TENM3: variants seen among roughly 807,000 people sequenced by gnomAD.
TENM3 encodes the protein teneurin transmembrane protein 3, also known as teneurin-3.
A neutral mutation model predicts 255.1 loss-of-function variants in TENM3; 63 were observed. The observed-to-expected ratio is 0.25, with a 90% confidence interval of 0.20 to 0.30. The LOEUF (loss-of-function observed/expected upper bound fraction) is 0.30. TENM3 is among the 10% of genes least tolerant of loss of function. TENM3 has a pLI of 1.00. For missense variants in TENM3, 2,929 were observed against 3,461.1 expected (o/e 0.85, Z 3.86); for synonymous variants, 1,306 against 1,322.3 (o/e 0.99, Z 0.27).
intron 1 of TENM3, among the ~76,000 whole-genome samples, chr4:182,148,754 T>C (rs914557070): frequency 5.3e-5 from 8 of 152,034 alleles, no homozygotes; most frequent in South Asian, 2.1e-4. Context: ...GTGAACGTTA[T>C]CATCCCCACT....
Position 182,332,592 on chromosome 4 carries a change from G to A in TENM3, c.232+8340G>A, listed in dbSNP as rs534337758. Reference sequence around the variant, plus strand: ...GCCTGTAATCCCAGCTACTTGGGAGGCTGGGGCAGGAGAATGGCGTGAACC... The same window carrying A: ...GCCTGTAATCCCAGCTACTTGGGAGACTGGGGCAGGAGAATGGCGTGAACC... On this transcript the variant is annotated intron_variant, in intron 2 of 27. Coordinates refer to ENST00000511685, the MANE Select transcript of TENM3 (RefSeq NM_001080477.4). Among the ~76,000 whole-genome samples the A allele has an allele frequency of 7.1e-4, 108 of 152,104 alleles. 1 individual carries two copies. The highest frequency in any genetic ancestry group is 2.6e-3 in the African/African-American group (106 of 41,484).
At chr4:182,725,281 C>T (rs1380074995) in intron 13 of TENM3, among the ~76,000 whole-genome samples, 1 of 152,094 alleles carries the variant, frequency 6.6e-6, no homozygotes, top group Non-Finnish European at 1.5e-5. Context: ...TTAAGTGATC[C>T]TCCCAAAGTT....
the TENM3 span, among the ~76,000 whole-genome samples, chr4:181,802,482 A>T: frequency 1.2e-3 from 177 of 152,346 alleles, no homozygotes; most frequent in African/African-American, 4.0e-3. Flanking sequence ...AGAGAAAAAA[A>T]TAGGTCTTTT....
intron 2 of TENM3, among the ~76,000 whole-genome samples, chr4:182,337,240 C>A (rs75139288): frequency 0.029 from 4,365 of 152,192 alleles, 213 homozygotes; most frequent in African/African-American, 0.1. Flanking sequence ...GCTTATCAGA[C>A]ATTACCTTTA....
rs139671081 is a variant in TENM3 at position 182,222,486 on chromosome 4, CT to C, written c.-76+77737del. ...CCTTTAGCTTCTTGGTTTGTTCTTCCTTTTTCCAGGCTTATCTGTTTGAAAA... is the reference window on the plus strand; with the variant it reads ...CCTTTAGCTTCTTGGTTTGTTCTTCCTTTTCCAGGCTTATCTGTTTGAAAA... On this transcript the variant is annotated intron_variant, in intron 1 of 2. Coordinates refer to the TENM3 transcript ENST00000512480. 4.8e-3 allele frequency among the ~76,000 whole-genome samples: 729 copies of C among 152,266 alleles called. 4 individuals are homozygous for C. The highest frequency in any genetic ancestry group is 0.017 in the African/African-American group (696 of 41,548).
At chr4:182,519,557 G>C (rs189860686) in intron 3 of TENM3, among the ~76,000 whole-genome samples, 25 of 152,332 alleles carry the variant, frequency 1.6e-4, no homozygotes, top group African/African-American at 5.8e-4. Flanking sequence ...TAAAATGCTT[G>C]CCTGAGACGT....
chr4:182,064,615 C>G, the TENM3 span, among the ~76,000 whole-genome samples: 1 of 152,014 alleles, frequency 6.6e-6, no homozygotes, highest in Non-Finnish European at 1.5e-5. Context: ...ATTGAGTAAC[C>G]AATGGGGACC....
the TENM3 span, among the ~76,000 whole-genome samples, chr4:181,992,198 G>A: frequency 6.6e-6 from 1 of 151,980 alleles, no homozygotes; most frequent in Non-Finnish European, 1.5e-5. Flanking sequence ...CAAAAGTCTC[G>A]GTACCTGAGA....
the TENM3 span, among the ~76,000 whole-genome samples, chr4:182,106,333 C>A: frequency 1.8e-4 from 28 of 152,156 alleles, no homozygotes; most frequent in East Asian, 4.6e-3. Flanking sequence ...TGGTAGCGCA[C>A]GCCTGTAGTC....
the TENM3 span, among the ~76,000 whole-genome samples, chr4:182,120,330 T>C: frequency 6.6e-6 from 1 of 152,268 alleles, no homozygotes; most frequent in East Asian, 1.9e-4. Context: ...GGCTGTACTA[T>C]CTAGGTTTGT....
chr4:181,992,577 A>G, the TENM3 span, among the ~76,000 whole-genome samples: 1 of 152,238 alleles, frequency 6.6e-6, no homozygotes, highest in East Asian at 1.9e-4. Flanking sequence ...ATCTCTTTAC[A>G]TTTTACATGT....
intron 3 of TENM3, among the ~76,000 whole-genome samples, chr4:182,472,104 C>G (rs1733183231): frequency 6.6e-6 from 1 of 152,104 alleles, no homozygotes; most frequent in African/African-American, 2.4e-5. Context: ...AATTAGTTCT[C>G]CATTCTTTTT....
At chr4:182,775,426 A>T (rs1764611900) in intron 24 of TENM3, among the ~76,000 whole-genome samples, 1 of 152,170 alleles carries the variant, frequency 6.6e-6, no homozygotes, top group Non-Finnish European at 1.5e-5. Flanking sequence ...ATGACCATGA[A>T]AACCAGCTCC....
At chr4:182,373,799 G>C (rs1487169256) in intron 3 of TENM3, among the ~76,000 whole-genome samples, 1 of 152,182 alleles carries the variant, frequency 6.6e-6, no homozygotes, top group Non-Finnish European at 1.5e-5. Flanking sequence ...CTACTAAGGG[G>C]AATTGTGACT....
At chr4:181,665,215 A>G in the TENM3 span, among the ~76,000 whole-genome samples, 1 of 152,176 alleles carries the variant, frequency 6.6e-6, no homozygotes, top group African/African-American at 2.4e-5. Context: ...ACTTTTTAAC[A>G]GATACCTGGG....
At chr4:181,640,990 T>C in the TENM3 span, among the ~76,000 whole-genome samples, 1 of 152,204 alleles carries the variant, frequency 6.6e-6, no homozygotes, top group Non-Finnish European at 1.5e-5. Context: ...AAAAGACTAG[T>C]GCATGACAAC....
At chr4:181,487,551 G>T in the TENM3 span, among the ~76,000 whole-genome samples, 1 of 152,184 alleles carries the variant, frequency 6.6e-6, no homozygotes, top group South Asian at 2.1e-4. Context: ...TTTTTTACGA[G>T]GGTAATAATC....
At chr4:181,740,992 AT>A in the TENM3 span, among the ~76,000 whole-genome samples, 2 of 152,210 alleles carry the variant, frequency 1.3e-5, no homozygotes, top group African/African-American at 4.8e-5. Context: ...GTGGAGAAAA[AT>A]TGAGAGATAT....
chr4:182,544,110 T>C (rs1187196580), intron 3 of TENM3, among the ~76,000 whole-genome samples: 2 of 152,198 alleles, frequency 1.3e-5, no homozygotes, highest in Non-Finnish European at 2.9e-5. Flanking sequence ...TTTCAGTTTA[T>C]AGTTCAATAA....
Sources: allele counts gnomAD v4.1 joint callset (sites outside exome capture counted in the v4.1 genomes callset), GRCh38; gene constraint gnomAD v4.1.1; transcripts MANE v1.5; gene names NCBI Gene and HGNC (gene_info 2026-07-23, HGNC 2026-07-21).